CNTN5: variants seen among roughly 807,000 people sequenced by gnomAD.
The protein encoded by CNTN5 is contactin-5.
A neutral mutation model predicts 129.1 loss-of-function variants in CNTN5; 77 were observed. The ratio of observed to expected loss-of-function variants is 0.60; its 90% CI spans 0.50 to 0.72. The LOEUF (loss-of-function observed/expected upper bound fraction) is 0.72, where lower values mean the gene tolerates loss of function less well. Among genes scored for constraint, CNTN5 ranks in the 30% least tolerant of loss-of-function variants. The probability of loss-of-function intolerance (pLI) is 0.00; values close to 1 mark genes in which losing one functional copy is unlikely to be tolerated. For synonymous variants in CNTN5, 509 were observed against 465.6 expected (o/e 1.09, Z -1.20); for missense variants, 1,478 against 1,328.8 (o/e 1.11, Z -1.75).
intron 3 of CNTN5, among the ~76,000 whole-genome samples, chr11:99,629,569 G>A (rs1168652735): frequency 2.0e-5 from 3 of 151,540 alleles, no homozygotes; most frequent in Non-Finnish European, 2.9e-5. Flanking sequence ...ATGATCAGGG[G>A]TACAGGATTT....
rs1379546924 is a variant in CNTN5, at chr11:99,118,670, AAAT to A, written c.-210+97405_-210+97407del. ...TAAAACTCTTTAATTGAAGCTTTTGAAATAATATTTTCCTAAATATCATCTAAT... is the reference window on the plus strand; with the variant it reads ...TAAAACTCTTTAATTGAAGCTTTTGAAATATTTTCCTAAATATCATCTAAT... On this transcript the variant is annotated intron_variant, in intron 1 of 24. Transcript: ENST00000524871. Among the ~76,000 whole-genome samples, 4 of 152,254 alleles carry A rather than the reference AAAT, an allele frequency of 2.6e-5. No individual in the cohort carries two copies. In the East Asian group the frequency reaches 7.7e-4, roughly 29 times the overall value.
chr11:99,963,594 T>C (rs1193262919), intron 8 of CNTN5, among the ~76,000 whole-genome samples: 5 of 152,246 alleles, frequency 3.3e-5, no homozygotes, highest in Non-Finnish European at 5.9e-5. Flanking sequence ...GGTAGTGTGA[T>C]GCCTCCAGCT....
chr11:99,218,781 A>C (rs1403173060), intron 1 of CNTN5, among the ~76,000 whole-genome samples: 1 of 152,130 alleles, frequency 6.6e-6, no homozygotes, highest in East Asian at 1.9e-4. Flanking sequence ...TTATGTGGCA[A>C]TGTAACTAAT....
chr11:99,289,226 A>T (rs900433761), intron 1 of CNTN5, among the ~76,000 whole-genome samples: 1 of 151,782 alleles, frequency 6.6e-6, no homozygotes, highest in Non-Finnish European at 1.5e-5. Flanking sequence ...ACTGTACCAG[A>T]TATTTCTTTG....
chr11:100,285,308 T>A (rs764040189), intron 18 of CNTN5, among the ~76,000 whole-genome samples: 9 of 152,204 alleles, frequency 5.9e-5, no homozygotes, highest in Admixed American at 1.3e-4. Context: ...TGCAGTCAAC[T>A]TCCCAAGATA....
At chr11:99,870,847 A>G (rs1226631385) in intron 6 of CNTN5, among the ~76,000 whole-genome samples, 1 of 152,044 alleles carries the variant, frequency 6.6e-6, no homozygotes, top group Non-Finnish European at 1.5e-5. Flanking sequence ...GTTACATTTG[A>G]GAGGTTTTGT....
chr11:99,428,874 G>T (rs75690790), intron 2 of CNTN5, among the ~76,000 whole-genome samples: 1,839 of 152,040 alleles, frequency 0.012, 41 homozygotes, highest in Admixed American at 0.051. Context: ...GAACTTTAAG[G>T]TTCAATAAAT....
At chr11:99,773,172 T>C (rs1160496220) in intron 3 of CNTN5, among the ~76,000 whole-genome samples, 6 of 152,064 alleles carry the variant, frequency 3.9e-5, no homozygotes, top group Admixed American at 3.9e-4. Context: ...TCAACCTGAA[T>C]TTTAATTTGC....
chr11:99,738,709 G>A (rs1943793115), intron 3 of CNTN5, among the ~76,000 whole-genome samples: 1 of 151,052 alleles, frequency 6.6e-6, no homozygotes. Context: ...AGTGAGAAAT[G>A]AAGCTGAAGA....
chr11:100,298,409 T>C (rs545898217), intron 19 of CNTN5, among the ~76,000 whole-genome samples: 1 of 151,604 alleles, frequency 6.6e-6, no homozygotes, highest in African/African-American at 2.4e-5. Context: ...CTAAATGGAA[T>C]TGCCTTTCCA....
intron 1 of CNTN5, among the ~76,000 whole-genome samples, chr11:99,324,600 T>A (rs190208057): frequency 6.6e-6 from 1 of 152,322 alleles, no homozygotes; most frequent in African/African-American, 2.4e-5. Flanking sequence ...AATGGAAATA[T>A]GAATTTCAGT....
Position 100,048,837 on chromosome 11 carries a change from C to T in CNTN5, c.981-12375C>T, listed in dbSNP as rs140678350. 2.3e-3 allele frequency among the ~76,000 whole-genome samples: 346 copies of T among 151,956 alleles called. 1 individual carries two copies. Among genetic ancestry groups the T allele is most frequent in the African/African-American group, 7.6e-3 (315 of 41,456 alleles). ...AAAACTTAACCCTACAGATCTCCAA[C>T]GCTCAATGAAATATAAACAGGGTAA... On this transcript the variant is annotated intron_variant, in intron 9 of 24. Coordinates refer to ENST00000524871, the MANE Select transcript of CNTN5 (RefSeq NM_014361.4).
intron 3 of CNTN5, among the ~76,000 whole-genome samples, chr11:99,758,710 A>T (rs1944482378): frequency 6.6e-6 from 1 of 152,070 alleles, no homozygotes; most frequent in Non-Finnish European, 1.5e-5. Flanking sequence ...AATGACTAGC[A>T]GTAGAAAGTA....
intron 9 of CNTN5, among the ~76,000 whole-genome samples, chr11:100,028,268 C>T (rs1342301131): frequency 6.6e-6 from 1 of 152,068 alleles, no homozygotes; most frequent in Non-Finnish European, 1.5e-5. Context: ...TTACATTTTT[C>T]AGTGCCAAGT....
At chr11:99,645,526 G>A (rs76351660) in intron 3 of CNTN5, among the ~76,000 whole-genome samples, 90,420 of 150,836 alleles carry the variant, frequency 0.6, 27,900 homozygotes, top group Admixed American at 0.69. Flanking sequence ...ACTGTTCACA[G>A]TAACAAACAC....
intron 2 of CNTN5, among the ~76,000 whole-genome samples, chr11:99,490,535 A>G (rs1468379373): frequency 6.6e-6 from 1 of 152,160 alleles, no homozygotes; most frequent in East Asian, 1.9e-4. Context: ...TTCCTCAGAA[A>G]TTGTAGCCTG....
intron 3 of CNTN5, among the ~76,000 whole-genome samples, chr11:99,819,291 T>TCCC (rs1946693900): frequency 2.4e-5 from 2 of 81,864 alleles, no homozygotes; most frequent in African/African-American, 1.1e-4. Flanking sequence ...TTCCCTCTCC[T>TCCC]CTCCTCCCCT....
At chr11:99,917,489 G>T (rs780853725) in intron 7 of CNTN5, among the ~76,000 whole-genome samples, 9 of 152,044 alleles carry the variant, frequency 5.9e-5, no homozygotes, top group Non-Finnish European at 1.3e-4. Context: ...ATCCAAGGGG[G>T]TTATTAGTTG....
At chr11:99,576,794 C>A (rs759799559) in intron 3 of CNTN5, among the ~76,000 whole-genome samples, 23 of 152,126 alleles carry the variant, frequency 1.5e-4, no homozygotes, top group Non-Finnish European at 2.8e-4. Flanking sequence ...AGGAGCAGGG[C>A]AGCTCTCTGG....
Sources: allele counts gnomAD v4.1 joint callset (sites outside exome capture counted in the v4.1 genomes callset), GRCh38; gene constraint gnomAD v4.1.1; transcripts MANE v1.5; gene names NCBI Gene and HGNC (gene_info 2026-07-23, HGNC 2026-07-21).